The following DCDC2 variants were observed in gnomAD, a reference collection of about 807,000 sequenced individuals.
The protein encoded by DCDC2 is doublecortin domain-containing protein 2.
In DCDC2, 40 loss-of-function variants were observed where a neutral mutation model predicts 50.2. The observed-to-expected ratio is 0.80, with a 90% CI of 0.62 to 1.04. DCDC2 has a LOEUF of 1.04. DCDC2 is among the 50% of genes least tolerant of loss of function. The pLI, the probability that DCDC2 is intolerant of heterozygous loss-of-function variation, is 0.00. For missense variants in DCDC2, 570 were observed against 581.9 expected (o/e 0.98, Z 0.21); for synonymous variants, 234 against 210.6 (o/e 1.11, Z -0.96).
chr6:24,269,547 A>G (rs1474729003), intron 7 of DCDC2, among the ~76,000 whole-genome samples: 1 of 152,206 alleles, frequency 6.6e-6, no homozygotes, highest in African/African-American at 2.4e-5. Flanking sequence ...GTGATTAGCA[A>G]GGGGTGGAGT....
At chr6:24,265,463 C>T (rs1346306249) in intron 7 of DCDC2, among the ~76,000 whole-genome samples, 6 of 152,118 alleles carry the variant, frequency 3.9e-5, no homozygotes, top group Non-Finnish European at 8.8e-5. Context: ...GCAGAACACA[C>T]GTTCTTCTCA....
intron 2 of DCDC2, among the ~76,000 whole-genome samples, chr6:24,305,459 AT>A (rs969851288): frequency 3.3e-5 from 5 of 152,376 alleles, no homozygotes; most frequent in African/African-American, 1.2e-4. Context: ...ATTATAAAAA[AT>A]GATTCATACT....
chr6:24,237,187 A>T (rs1581603788), intron 7 of DCDC2, among the ~76,000 whole-genome samples: 2 of 39,284 alleles, frequency 5.1e-5, no homozygotes, highest in South Asian at 8.1e-4. Flanking sequence ...ATGAAAAGGT[A>T]AAAAAAAAAA....
intron 8 of DCDC2, among the ~76,000 whole-genome samples, chr6:24,191,349 G>T (rs1761310936): frequency 6.6e-6 from 1 of 152,130 alleles, no homozygotes; most frequent in Non-Finnish European, 1.5e-5. Flanking sequence ...TAAAACTAGG[G>T]CAACAGGCAT....
At chr6:24,257,356 A>C (rs1762915627) in intron 7 of DCDC2, among the ~76,000 whole-genome samples, 1 of 152,194 alleles carries the variant, frequency 6.6e-6, no homozygotes, top group African/African-American at 2.4e-5. Context: ...GGGCTCACAA[A>C]GATGAAAAAG....
chr6:24,295,535 C>T (rs1289009196), intron 4 of DCDC2, among the ~76,000 whole-genome samples: 1 of 152,126 alleles, frequency 6.6e-6, no homozygotes, highest in East Asian at 1.9e-4. Context: ...CCAAACTATC[C>T]CTGTTTGCAG....
chr6:24,358,770 T>A (rs867220535), upstream of DCDC2, among the ~76,000 whole-genome samples: 1,510 of 89,276 alleles, frequency 0.017, 48 homozygotes, highest in South Asian at 0.035. Context: ...TATTATATAT[T>A]TTTATATATA....
At chr6:24,178,833 C>A (rs2282374) in intron 8 of DCDC2, among the ~76,000 whole-genome samples, 2 of 152,068 alleles carry the variant, frequency 1.3e-5, no homozygotes, top group Non-Finnish European at 2.9e-5. Context: ...TCATTTAATC[C>A]TCACAACAAT....
the DCDC2 span, among the ~76,000 whole-genome samples, chr6:24,374,162 A>C: frequency 0.019 from 2,496 of 132,198 alleles, 35 homozygotes; most frequent in African/African-American, 0.059. Context: ...ACTCCATTTC[A>C]AAAAAAAAAA....
At chr6:24,283,258 G>C (rs1383876591) in intron 6 of DCDC2, among the ~76,000 whole-genome samples, 3 of 151,880 alleles carry the variant, frequency 2.0e-5, no homozygotes, top group African/African-American at 7.3e-5. Flanking sequence ...TTTAAGGCTA[G>C]AATCACAACT....
At chr6:24,371,109 C>T in the DCDC2 span, among the ~76,000 whole-genome samples, 1 of 151,644 alleles carries the variant, frequency 6.6e-6, no homozygotes, top group Non-Finnish European at 1.5e-5. Flanking sequence ...AACCCTGTCT[C>T]TACTAAAAAT....
At chr6:24,202,106 A>G (rs1200083461) in intron 8 of DCDC2, among the ~76,000 whole-genome samples, 1 of 152,226 alleles carries the variant, frequency 6.6e-6, no homozygotes, top group Non-Finnish European at 1.5e-5. Context: ...AACAATAGAA[A>G]AAGAAGGACT....
chr6:24,268,634 C>T (rs1172065006), intron 7 of DCDC2, among the ~76,000 whole-genome samples: 1 of 151,674 alleles, frequency 6.6e-6, no homozygotes, highest in East Asian at 2.0e-4. Context: ...TACAGTGGTG[C>T]AATCTCAGCT....
At chr6:24,253,275 T>TA (rs1308123726) in intron 7 of DCDC2, among the ~76,000 whole-genome samples, 1 of 152,110 alleles carries the variant, frequency 6.6e-6, no homozygotes, top group Non-Finnish European at 1.5e-5. Flanking sequence ...AAGCATAAAA[T>TA]ACTAATGTGA....
the DCDC2 span, among the ~76,000 whole-genome samples, chr6:24,370,885 G>A: frequency 2.3e-3 from 344 of 152,068 alleles, 3 homozygotes; most frequent in East Asian, 0.011. Flanking sequence ...CACAAAATGC[G>A]GTAAATCCAT....
chr6:24,262,314 C>T (rs1199055029), intron 7 of DCDC2, among the ~76,000 whole-genome samples: 1 of 152,244 alleles, frequency 6.6e-6, no homozygotes, highest in Non-Finnish European at 1.5e-5. Flanking sequence ...CAGAGGGAAA[C>T]TGTCCCATCC....
chr6:24,305,419 T>C (rs1759452602), intron 2 of DCDC2, among the ~76,000 whole-genome samples: 1 of 152,230 alleles, frequency 6.6e-6, no homozygotes. Flanking sequence ...CAAAGTAGTA[T>C]ACCTGAATTG....
chr6:24,190,237 G>A (rs1469599294), intron 8 of DCDC2, among the ~76,000 whole-genome samples: 1 of 152,130 alleles, frequency 6.6e-6, no homozygotes, highest in African/African-American at 2.4e-5. Flanking sequence ...ACCAGTTCCT[G>A]TGACACCCAA....
At chr6:24,322,745 C>T (rs551696866) in intron 2 of DCDC2, among the ~76,000 whole-genome samples, 65 of 152,184 alleles carry the variant, frequency 4.3e-4, no homozygotes, top group African/African-American at 1.3e-3. Flanking sequence ...GCCTGGAAGC[C>T]CCCACTTTGA....
Sources: allele counts gnomAD v4.1 joint callset (sites outside exome capture counted in the v4.1 genomes callset), GRCh38; gene constraint gnomAD v4.1.1; transcripts MANE v1.5; gene names NCBI Gene and HGNC (gene_info 2026-07-23, HGNC 2026-07-21).